Variants in ANKRD12 observed in about 807,000 individuals in gnomAD.
The protein encoded by ANKRD12 is ankyrin repeat domain-containing protein 12.
Under a neutral mutation model 183.4 loss-of-function variants are expected in ANKRD12, and 85 were observed. That is an observed-to-expected ratio of 0.46 (90% CI 0.39 to 0.56). ANKRD12 has a LOEUF of 0.56. Ranked by LOEUF, ANKRD12 falls within the 20% of genes least tolerant of loss-of-function variation. ANKRD12 has a pLI of 0.00. For missense variants in ANKRD12, 2,405 were observed against 2,357.1 expected, an observed-to-expected ratio of 1.02 and a Z score of -0.42; for synonymous variants, 914 against 800.2, an observed-to-expected ratio of 1.14 and a Z score of -2.40.
Position 9,284,843 on chromosome 18 carries a change from C to T in ANKRD12, c.*3717C>T, listed in dbSNP as rs1336422846. 2.6e-5 allele frequency: 4 copies of T among 152,092 alleles called. No homozygotes were observed. Among genetic ancestry groups the T allele is most frequent in the Non-Finnish European group, 5.9e-5 (4 of 68,020 alleles). The allele number at this position is 152,092 out of a possible 1,614,324, so 9.4% of individuals were successfully genotyped here. On this transcript the variant is annotated 3_prime_UTR_variant, in exon 13 of 13. Coordinates refer to ENST00000262126, the MANE Select transcript of ANKRD12 (RefSeq NM_015208.5). ...CAACTAAAAAAATGGTTGGGTTTTCCCAGTGGTTAAATGCTATATAATAAC... is the reference window on the plus strand; with the variant it reads ...CAACTAAAAAAATGGTTGGGTTTTCTCAGTGGTTAAATGCTATATAATAAC...
chr18:9,173,925 G>C (rs2033006483), intron 1 of ANKRD12, among the ~76,000 whole-genome samples: 1 of 152,246 alleles, frequency 6.6e-6, no homozygotes, highest in South Asian at 2.1e-4. Flanking sequence ...CTGAACCGCA[G>C]AGACATTGGG....
chr18:9,267,367 G>C (rs1281939513), intron 10 of ANKRD12, among the ~76,000 whole-genome samples: 1 of 152,012 alleles, frequency 6.6e-6, no homozygotes, highest in East Asian at 1.9e-4. Flanking sequence ...CCACATAGTT[G>C]GAAGTAAAGC....
In ANKRD12 at chr18:9,212,606, T is replaced by G. The variant is rs115197610; in HGVS notation, c.652+822T>G. ...TATATAGAAACATCTTTGTGTATAT[T>G]TATGGAAGTATTTCAGTAGAAGTGA... On this transcript the variant is annotated intron_variant, in intron 6 of 12. Coordinates refer to ENST00000262126, the MANE Select transcript of ANKRD12 (RefSeq NM_015208.5). 2.4e-3 allele frequency among the ~76,000 whole-genome samples: 372 copies of G among 152,066 alleles called. 8 individuals are homozygous for G. The highest frequency in any genetic ancestry group is 8.4e-3 in the African/African-American group (350 of 41,554).
chr18:9,264,244 A>T (rs1454638568), intron 10 of ANKRD12, among the ~76,000 whole-genome samples: 2 of 152,244 alleles, frequency 1.3e-5, no homozygotes, highest in Non-Finnish European at 2.9e-5. Flanking sequence ...CAAAATACTT[A>T]TAAAGGCTAT....
intron 8 of ANKRD12, among the ~76,000 whole-genome samples, chr18:9,240,131 A>G (rs2037576312): frequency 6.6e-6 from 1 of 152,318 alleles, no homozygotes; most frequent in South Asian, 2.1e-4. Flanking sequence ...ATGGTTTAGT[A>G]ATAAACAATT....
chr18:9,256,290 C>G lies in ANKRD12; in HGVS notation c.3023C>G (p.Pro1008Arg). ...CTTAAAGAAAAAACAAAAGATGAACCTTTGAAAACTCCAGATGGAAAAGAA... is the reference window on the plus strand; with the variant it reads ...CTTAAAGAAAAAACAAAAGATGAACGTTTGAAAACTCCAGATGGAAAAGAA... ...LSLKEKTKDE[P>R]LKTPDGKEKD... Residue 1008 changes from proline to arginine, a missense_variant, in exon 9 of 13, where the codon CCT becomes CGT. Pro to Arg is a moderately radical substitution (Grantham distance 103, BLOSUM62 -2). Around this residue, in one of 7 missense-constraint regions of ANKRD12, gnomAD observed 1,983 missense variants for 1,725.9 expected, o/e 1.15. Transcript: ENST00000262126. 6.2e-7 allele frequency: 1 copy of G among 1,604,146 alleles called. No homozygotes were observed. Among genetic ancestry groups the G allele is most frequent in the Non-Finnish European group, 8.5e-7 (1 of 1,176,842 alleles).
intron 3 of ANKRD12, among the ~76,000 whole-genome samples, chr18:9,200,195 A>C (rs2035083992): frequency 6.6e-6 from 1 of 152,226 alleles, no homozygotes; most frequent in Non-Finnish European, 1.5e-5. Context: ...TAGAAAAGTA[A>C]TTGCTTGGCT....
At position 9,282,200 on chromosome 18, in the gene ANKRD12, TAA is replaced by T. The variant is rs569318327; in HGVS notation, c.*1077_*1078del. On this transcript the variant is annotated 3_prime_UTR_variant, in exon 13 of 13. Transcript: ENST00000262126. ...TTTTATTGGTCATGTTAAATCATTG[TAA>T]AACTTTTTTACATTGCTTAATGTTT... 6.1e-4 allele frequency: 93 copies of T among 152,762 alleles called. No homozygotes were observed. The highest frequency in any genetic ancestry group is 2.1e-3 in the African/African-American group (89 of 41,590). The allele number at this position is 152,762 out of a possible 1,614,324, so 9.5% of individuals were successfully genotyped here.
chr18:9,184,898 C>T (rs1314679644), intron 2 of ANKRD12, among the ~76,000 whole-genome samples: 1 of 152,004 alleles, frequency 6.6e-6, no homozygotes, highest in Non-Finnish European at 1.5e-5. Context: ...CTCAGTTGAT[C>T]TCACGGACTA....
chr18:9,161,639 G>C (rs1474167203), intron 1 of ANKRD12, among the ~76,000 whole-genome samples: 2 of 151,936 alleles, frequency 1.3e-5, no homozygotes, highest in Non-Finnish European at 2.9e-5. Flanking sequence ...GCCTTCCAAA[G>C]TGCTGGGATT....
intron 1 of ANKRD12, among the ~76,000 whole-genome samples, chr18:9,147,271 A>G (rs764296577): frequency 6.6e-6 from 1 of 152,204 alleles, no homozygotes; most frequent in African/African-American, 2.4e-5. Flanking sequence ...AGGCTAAAGT[A>G]CGTGCCTGTC....
intron 8 of ANKRD12, among the ~76,000 whole-genome samples, chr18:9,241,879 A>G (rs1435993090): frequency 2.0e-5 from 3 of 151,612 alleles, no homozygotes; most frequent in Non-Finnish European, 4.4e-5. Context: ...CAAGAGTTTT[A>G]AATTCCAGGT....
At chr18:9,171,633 C>T (rs560625217) in intron 1 of ANKRD12, among the ~76,000 whole-genome samples, 4 of 152,190 alleles carry the variant, frequency 2.6e-5, no homozygotes, top group South Asian at 4.2e-4. Flanking sequence ...ATGATGAATA[C>T]CCTCAGCATT....
At chr18:9,224,578 G>T (rs1350290145) in intron 8 of ANKRD12, among the ~76,000 whole-genome samples, 1 of 152,120 alleles carries the variant, frequency 6.6e-6, no homozygotes, top group Non-Finnish European at 1.5e-5. Context: ...TTTGGATGTT[G>T]GTGAGCTTGG....
chr18:9,245,378 G>A (rs910843071), intron 8 of ANKRD12, among the ~76,000 whole-genome samples: 17 of 152,082 alleles, frequency 1.1e-4, no homozygotes, highest in Non-Finnish European at 2.5e-4. Context: ...TTGAGCCCAG[G>A]AGGTTGAGGC....
Position 9,285,964 on chromosome 18 carries a change from A to T in ANKRD12, c.*4838A>T, listed in dbSNP as rs2040207109. On this transcript the variant is annotated 3_prime_UTR_variant, in exon 13 of 13. Transcript: ENST00000262126. ...TTCCAGTTTGGGACTATTGTTAATA[A>T]ACCTGTGAATCTGCAAGCCTATTTT... is the stretch of plus-strand genomic sequence containing the variant. 6.6e-6 allele frequency: 1 copy of T among 152,202 alleles called. No homozygotes were observed. Among genetic ancestry groups the T allele is most frequent in the African/African-American group, 2.4e-5 (1 of 41,448 alleles). The allele number at this position is 152,202 out of a possible 1,614,324, so 9.4% of individuals were successfully genotyped here.
intron 3 of ANKRD12, among the ~76,000 whole-genome samples, chr18:9,199,622 A>G (rs2035052123): frequency 6.6e-6 from 1 of 152,220 alleles, no homozygotes; most frequent in South Asian, 2.1e-4. Context: ...AGTTTCTTAA[A>G]ATGATTATAT....
At chr18:9,266,389 G>A (rs2145346196) in intron 10 of ANKRD12, among the ~76,000 whole-genome samples, 1 of 152,266 alleles carries the variant, frequency 6.6e-6, no homozygotes, top group Admixed American at 6.5e-5. Context: ...ACCCACAAAG[G>A]GAAGCCCATC....
At chr18:9,150,036 A>G (rs924768822) in intron 1 of ANKRD12, among the ~76,000 whole-genome samples, 1 of 151,870 alleles carries the variant, frequency 6.6e-6, no homozygotes, top group Admixed American at 6.6e-5. Context: ...ACCTCAGGTG[A>G]TCTCGCCTCG....
Sources: gnomAD v4.1 joint callset for allele counts (sites outside exome capture counted in the v4.1 genomes callset) on GRCh38, gnomAD v4.1.1 for gene constraint, gnomAD v4.1.1 regional missense constraint, MANE v1.5 for transcripts, NCBI Gene and HGNC (gene_info 2026-07-23, HGNC 2026-07-21) for gene names.